SGCZ: variants seen among roughly 807,000 people sequenced by gnomAD.
The protein encoded by SGCZ is zeta-sarcoglycan.
Under a neutral mutation model 41.3 loss-of-function variants are expected in SGCZ, and 40 were observed. That is an observed-to-expected ratio of 0.97 (90% CI 0.75 to 1.26). The LOEUF (loss-of-function observed/expected upper bound fraction) is 1.26, where lower values mean the gene tolerates loss of function less well. Among genes scored for constraint, SGCZ ranks in the 50% most tolerant of loss-of-function variants. SGCZ has a pLI of 0.00. For missense variants in SGCZ, 552 were observed against 369.8 expected (o/e 1.49, Z -4.04); for synonymous variants, 206 against 137.5 (o/e 1.50, Z -3.49).
At chr8:14,968,169 C>T (rs971637116) in intron 1 of SGCZ, among the ~76,000 whole-genome samples, 2 of 152,094 alleles carry the variant, frequency 1.3e-5, no homozygotes. Context: ...ATCAGAATCC[C>T]CCTTCCATAT....
At chr8:14,662,544 T>C (rs7014730) in intron 1 of SGCZ, among the ~76,000 whole-genome samples, 8,047 of 152,236 alleles carry the variant, frequency 0.053, 380 homozygotes, top group African/African-American at 0.13. Flanking sequence ...AACAGAGTTT[T>C]ACCACTCATA....
In SGCZ at chr8:14,463,761, G is replaced by T. The variant is rs13279693; in HGVS notation, c.234+90971C>A. 4.0e-5 allele frequency among the ~76,000 whole-genome samples: 6 copies of T among 151,656 alleles called. No homozygotes were observed. The South Asian group carries it at 1.2e-3, about 31-fold the overall frequency. On this transcript the variant is annotated intron_variant, in intron 2 of 7. Coordinates refer to ENST00000382080, the MANE Select transcript of SGCZ (RefSeq NM_139167.4). ...TAAATTGATGTTTGCTGTTTTTCTA[G>T]ACAGCTTTTATTATGTTAAGGAAGT...
intron 1 of SGCZ, among the ~76,000 whole-genome samples, chr8:14,689,627 T>C (rs940557387): frequency 1.3e-5 from 2 of 152,184 alleles, no homozygotes; most frequent in Non-Finnish European, 2.9e-5. Context: ...TCCTTACCAG[T>C]GGGAGTAATT....
At chr8:15,228,039 G>A (rs1801831856) in intron 1 of SGCZ, among the ~76,000 whole-genome samples, 1 of 152,084 alleles carries the variant, frequency 6.6e-6, no homozygotes, top group Non-Finnish European at 1.5e-5. Flanking sequence ...TCGAAATATG[G>A]AACAGATGTT....
At position 14,575,913 on chromosome 8, in the gene SGCZ, C is replaced by CAAAAAAA. The variant is rs66656586; in HGVS notation, c.40-20994_40-20988dup. Among the ~76,000 whole-genome samples, 220 of 100,008 alleles carry CAAAAAAA rather than the reference C, an allele frequency of 2.2e-3. 2 individuals are homozygous for CAAAAAAA. Among genetic ancestry groups the CAAAAAAA allele is most frequent in the East Asian group, 3.5e-3 (12 of 3,424 alleles). The allele number at this position is 100,008 out of a possible 152,430, so 65.6% of individuals were successfully genotyped here. A position where few individuals can be genotyped will look rare whatever the true frequency, so the allele number is the denominator to read the frequency against. The stretch of plus-strand genomic sequence containing the variant: ...AGAGTGAGACCCTGTCTCAAAATAA[C>CAAAAAAA]AAAAAAAAAAAAAAAAAAAAAAGAA... On this transcript the variant is annotated intron_variant, in intron 1 of 7. Coordinates refer to ENST00000382080, the MANE Select transcript of SGCZ (RefSeq NM_139167.4).
At chr8:14,460,069 T>C (rs1004151061) in intron 2 of SGCZ, among the ~76,000 whole-genome samples, 2 of 152,158 alleles carry the variant, frequency 1.3e-5, no homozygotes, top group African/African-American at 4.8e-5. Flanking sequence ...GTCAACAGCA[T>C]AGTACCTATT....
At chr8:14,917,012 T>G (rs1799457749) in intron 1 of SGCZ, among the ~76,000 whole-genome samples, 1 of 152,104 alleles carries the variant, frequency 6.6e-6, no homozygotes, top group South Asian at 2.1e-4. Flanking sequence ...TAATATAATT[T>G]TGGAAATAGA....
intron 2 of SGCZ, among the ~76,000 whole-genome samples, chr8:14,355,608 A>G (rs539884873): frequency 6.6e-6 from 1 of 152,096 alleles, no homozygotes; most frequent in South Asian, 2.1e-4. Flanking sequence ...AACAATAAAA[A>G]CGAGATAAAT....
chr8:14,143,685 C>A (rs1362878051), intron 5 of SGCZ, among the ~76,000 whole-genome samples: 1 of 152,108 alleles, frequency 6.6e-6, no homozygotes, highest in Admixed American at 6.5e-5. Flanking sequence ...ATCATATGAG[C>A]ACTCATAGTC....
chr8:15,075,816 T>A (rs1228734725), intron 1 of SGCZ, among the ~76,000 whole-genome samples: 1 of 152,206 alleles, frequency 6.6e-6, no homozygotes, highest in African/African-American at 2.4e-5. Context: ...CTATGAAGTC[T>A]AATTTGCTCA....
chr8:14,712,663 G>T (rs1162069096), intron 1 of SGCZ, among the ~76,000 whole-genome samples: 2 of 152,088 alleles, frequency 1.3e-5, no homozygotes, highest in Non-Finnish European at 2.9e-5. Context: ...CTTAGCATGG[G>T]GGCCTTTGAG....
chr8:14,642,558 A>C (rs1468826734), intron 1 of SGCZ, among the ~76,000 whole-genome samples: 1 of 151,422 alleles, frequency 6.6e-6, no homozygotes, highest in East Asian at 1.9e-4. Context: ...ACTCTCAGTG[A>C]GATGAAAATA....
chr8:14,530,575 T>G (rs1803096194), intron 2 of SGCZ, among the ~76,000 whole-genome samples: 1 of 152,106 alleles, frequency 6.6e-6, no homozygotes, highest in African/African-American at 2.4e-5. Flanking sequence ...ACAATGAGAT[T>G]GGCACACAGC....
chr8:14,292,245 G>A (rs11203594), intron 3 of SGCZ, among the ~76,000 whole-genome samples: 147,050 of 152,056 alleles, frequency 0.97, 71,269 homozygotes, highest in East Asian at 1. Flanking sequence ...ACAAACAATT[G>A]TAGTACATAT....
intron 2 of SGCZ, among the ~76,000 whole-genome samples, chr8:14,532,963 AT>A (rs1244071301): frequency 1.3e-5 from 2 of 151,638 alleles, no homozygotes; most frequent in Non-Finnish European, 2.9e-5. Context: ...GACCAAATAC[AT>A]TTTTCCCTCT....
intron 1 of SGCZ, among the ~76,000 whole-genome samples, chr8:15,019,343 A>G (rs1750825516): frequency 1.3e-5 from 2 of 152,180 alleles, no homozygotes; most frequent in South Asian, 4.1e-4. Flanking sequence ...AAGGAAGGAT[A>G]AAGGGCAACC....
chr8:14,296,028 A>G (rs1200697491), intron 3 of SGCZ, among the ~76,000 whole-genome samples: 3 of 152,270 alleles, frequency 2.0e-5, no homozygotes, highest in Non-Finnish European at 4.4e-5. Context: ...TTCAGACCAG[A>G]AGGTGGAGAG....
At chr8:14,307,733 T>C (rs1222620413) in intron 3 of SGCZ, among the ~76,000 whole-genome samples, 1 of 152,164 alleles carries the variant, frequency 6.6e-6, no homozygotes. Flanking sequence ...ATTTTTTTCA[T>C]CTTTTTTAAT....
chr8:14,919,791 G>A (rs192065472), intron 1 of SGCZ, among the ~76,000 whole-genome samples: 146 of 152,040 alleles, frequency 9.6e-4, no homozygotes, highest in Non-Finnish European at 1.7e-3. Flanking sequence ...GGTGGTGCAC[G>A]CTTGTAATCC....
Sources: allele counts gnomAD v4.1 joint callset (sites outside exome capture counted in the v4.1 genomes callset), GRCh38; gene constraint gnomAD v4.1.1; transcripts MANE v1.5; gene names NCBI Gene and HGNC (gene_info 2026-07-23, HGNC 2026-07-21).